GNAT3: variants seen among roughly 807,000 people sequenced by gnomAD.
GNAT3 encodes the protein guanine nucleotide-binding protein G(t) subunit alpha-3.
GNAT3 carries 31 observed loss-of-function variants against 37.7 expected under a neutral mutation model. The ratio of observed to expected loss-of-function variants is 0.82; its 90% CI spans 0.62 to 1.11. The LOEUF (loss-of-function observed/expected upper bound fraction) is 1.11. Ranked by LOEUF, GNAT3 falls within the 50% of genes most tolerant of loss-of-function variation. The pLI, the probability that GNAT3 is intolerant of heterozygous loss-of-function variation, is 0.00. For missense variants in GNAT3, 437 were observed against 412.5 expected (o/e 1.06, Z -0.51); for synonymous variants, 138 against 139.8 (o/e 0.99, Z 0.09).
intron 7 of GNAT3, 59 bp from the exon 8 acceptor site, chr7:80,458,920 T>C: frequency 8.9e-7 from 1 of 1,120,906 alleles, no homozygotes; most frequent in Non-Finnish European, 1.3e-6. Flanking sequence ...AAGAATAGGC[T>C]ATAAATAATA....
intron 1 of GNAT3, among the ~76,000 whole-genome samples, chr7:80,508,261 A>G (rs1299892057): frequency 6.7e-6 from 1 of 148,592 alleles, no homozygotes; most frequent in Non-Finnish European, 1.5e-5. Context: ...AGCCCATGTG[A>G]TGGAAATTTG....
rs150862072 is a variant in GNAT3 at position 80,507,483 on chromosome 7, T to C, written c.118+4326A>G. 3.7e-4 allele frequency among the ~76,000 whole-genome samples: 57 copies of C among 152,116 alleles called. No homozygotes were observed. In the East Asian group the frequency reaches 7.5e-3, roughly 20 times the overall value. ...TATTGACATTTGATTTATTTCATAT[T>C]TGGGAATCTCTTATGCCAAAGAATA... On this transcript the variant is annotated intron_variant, in intron 1 of 7. Coordinates refer to ENST00000398291, the MANE Select transcript of GNAT3 (RefSeq NM_001102386.3).
rs570599296 is a variant in GNAT3 at position 80,501,840 on chromosome 7, T to C, written c.119-7193A>G. 2.9e-4 allele frequency among the ~76,000 whole-genome samples: 44 copies of C among 152,120 alleles called. 1 individual carries two copies. The highest frequency in any genetic ancestry group is 3.9e-4 in the East Asian group (2 of 5,186). The stretch of plus-strand genomic sequence containing the variant: ...AGTAAACATATGGTGTCAGATATAC[T>C]TATATGACTACAAGTACCTATTTCT... On this transcript the variant is annotated intron_variant, in intron 1 of 7. Coordinates refer to ENST00000398291, the MANE Select transcript of GNAT3 (RefSeq NM_001102386.3).
At position 80,460,958 on chromosome 7, in the gene GNAT3, C is replaced by G. The variant is rs372554365; in HGVS notation, c.874+1201G>C. ...ATTTCTCTGTACACTAGAAACTGCT[C>G]TAAGAAATAAGTCCTGTTATATATA... On this transcript the variant is annotated intron_variant, in intron 7 of 7. Coordinates refer to ENST00000398291, the MANE Select transcript of GNAT3 (RefSeq NM_001102386.3). Among the ~76,000 whole-genome samples, 4 of 151,656 alleles carry G rather than the reference C, an allele frequency of 2.6e-5. No individual in the cohort carries two copies. In the East Asian group the frequency reaches 7.8e-4, roughly 29 times the overall value.
chr7:80,482,501 GTTTT>G (rs1353945400), intron 3 of GNAT3, among the ~76,000 whole-genome samples: 2 of 146,932 alleles, frequency 1.4e-5, no homozygotes, highest in Non-Finnish European at 3.0e-5. Flanking sequence ...TTTCTTTTTT[GTTTT>G]TTTGTTTGTT....
chr7:80,504,782 G>C (rs1790901624), intron 1 of GNAT3, among the ~76,000 whole-genome samples: 1 of 152,222 alleles, frequency 6.6e-6, no homozygotes, highest in Non-Finnish European at 1.5e-5. Flanking sequence ...TGAATGTTTA[G>C]TGAGATTTGG....
intron 5 of GNAT3, among the ~76,000 whole-genome samples, chr7:80,468,441 T>C (rs1247146271): frequency 6.6e-6 from 1 of 152,128 alleles, no homozygotes; most frequent in Non-Finnish European, 1.5e-5. Flanking sequence ...AATCACTTTC[T>C]GACATTCTCT....
At chr7:80,510,310 G>A (rs1196395850) in intron 1 of GNAT3, among the ~76,000 whole-genome samples, 2 of 151,870 alleles carry the variant, frequency 1.3e-5, no homozygotes, top group African/African-American at 2.4e-5. Flanking sequence ...CATTGTTTTG[G>A]CTTTCCATTT....
intron 4 of GNAT3, among the ~76,000 whole-genome samples, chr7:80,476,151 G>A (rs1790298413): frequency 6.6e-6 from 1 of 151,708 alleles, no homozygotes; most frequent in South Asian, 2.1e-4. Context: ...ATACCTAAAT[G>A]AAAACCTTGG....
chr7:80,494,698 G>A (rs910381767), intron 1 of GNAT3, 51 bp from the exon 2 acceptor site: 3 of 1,037,802 alleles, frequency 2.9e-6, no homozygotes, highest in South Asian at 2.8e-5. Flanking sequence ...AATTTGAATA[G>A]ATATTAAAAA....
chr7:80,482,130 G>A (rs542035841), intron 3 of GNAT3, among the ~76,000 whole-genome samples: 1 of 152,248 alleles, frequency 6.6e-6, no homozygotes, highest in South Asian at 2.1e-4. Flanking sequence ...ATCTCTTCAA[G>A]TATTTTACGG....
rs559711776 is a variant in GNAT3, at chr7:80,502,395, A to G, written c.119-7748T>C. Among the ~76,000 whole-genome samples, 4 of 152,212 alleles carry G rather than the reference A, an allele frequency of 2.6e-5. No individual in the cohort carries two copies. In the East Asian group the frequency reaches 7.7e-4, roughly 29 times the overall value. On this transcript the variant is annotated intron_variant, in intron 1 of 7. Coordinates refer to ENST00000398291, the MANE Select transcript of GNAT3 (RefSeq NM_001102386.3). ...ATTAACATACCTTTTAGGCTAAAAA[A>G]TGACAACACTAAAATACAAAATTAC...
At chr7:80,505,577 A>G (rs1790921266) in intron 1 of GNAT3, among the ~76,000 whole-genome samples, 1 of 152,150 alleles carries the variant, frequency 6.6e-6, no homozygotes, top group African/African-American at 2.4e-5. Context: ...CGTGTTAGCC[A>G]GGATGGTCTC....
chr7:80,487,933 A>G (rs919025189), intron 3 of GNAT3, among the ~76,000 whole-genome samples: 1 of 152,184 alleles, frequency 6.6e-6, no homozygotes, highest in Non-Finnish European at 1.5e-5. Context: ...AATATAATTT[A>G]ATGTAAAATA....
intron 4 of GNAT3, among the ~76,000 whole-genome samples, chr7:80,475,361 T>TAA (rs79721201): frequency 9.9e-5 from 12 of 121,066 alleles, no homozygotes; most frequent in East Asian, 2.3e-4. Context: ...GTCTTCATAC[T>TAA]AAAAAAAAAA....
At chr7:80,478,428 G>A (rs1790339759) in intron 4 of GNAT3, among the ~76,000 whole-genome samples, 1 of 152,116 alleles carries the variant, frequency 6.6e-6, no homozygotes, top group Admixed American at 6.6e-5. Flanking sequence ...AACCCAATGA[G>A]CCAAGGCATG....
chr7:80,498,850 T>G (rs1293018413), intron 1 of GNAT3, among the ~76,000 whole-genome samples: 1 of 152,118 alleles, frequency 6.6e-6, no homozygotes, highest in African/African-American at 2.4e-5. Context: ...TATACTTAAT[T>G]CATACTTAGA....
At chr7:80,459,723 A>G (rs1003560375) in intron 7 of GNAT3, among the ~76,000 whole-genome samples, 11 of 152,220 alleles carry the variant, frequency 7.2e-5, no homozygotes, top group African/African-American at 2.7e-4. Flanking sequence ...CAGTAGCATA[A>G]AGACTTTCTA....
Position 80,494,599 on chromosome 7 carries a change from A to G in GNAT3, c.161+6T>C, listed in dbSNP as rs1482721926. 1.4e-6 allele frequency: 2 copies of G among 1,468,838 alleles called. No homozygotes were observed. The highest frequency in any genetic ancestry group is 1.2e-5 in the South Asian group (1 of 82,854). 91.0% of individuals were successfully genotyped at this position (1,468,838 alleles called of 1,614,324 possible). ...TATTAAACACTTGAGACAGATGTAT[A>G]CCTACTTCATTTGTTTAACAATAGT... is the stretch of plus-strand genomic sequence containing the variant. On this transcript the variant is annotated splice_donor_region_variant and intron_variant, in intron 2 of 7. Coordinates refer to ENST00000398291, the MANE Select transcript of GNAT3 (RefSeq NM_001102386.3).
Sources: gnomAD v4.1 joint callset for allele counts (sites outside exome capture counted in the v4.1 genomes callset) on GRCh38, gnomAD v4.1.1 for gene constraint, MANE v1.5 for transcripts, NCBI Gene and HGNC (gene_info 2026-07-23, HGNC 2026-07-21) for gene names.